NEMP2: variants seen among roughly 807,000 people sequenced by gnomAD.
NEMP2 encodes the protein nuclear envelope integral membrane protein 2, also known as UPF0571 transmembrane protein.
Under a neutral mutation model 54.2 loss-of-function variants are expected in NEMP2, and 53 were observed. The ratio of observed to expected loss-of-function variants is 0.98; its 90% CI spans 0.78 to 1.23. The LOEUF is 1.23. Among genes scored for constraint, NEMP2 ranks in the 50% most tolerant of loss-of-function variants. The pLI is 0.00. For synonymous variants in NEMP2, 197 were observed against 190.3 expected, an observed-to-expected ratio of 1.04 and a Z score of -0.29; for missense variants, 455 against 511.3, an observed-to-expected ratio of 0.89 and a Z score of 1.06.
In NEMP2 at chr2:190,512,477, C is replaced by A. The variant is rs1690402862; in HGVS notation, c.954-1940G>T. On this transcript the variant is annotated intron_variant, in intron 7 of 8. Transcript: ENST00000409150. This position sits in a 1 kb window ranked among gnomAD's most constrained non-coding sequence, Gnocchi z 4.5. ...TTATTTCTCTGGTGTGTTATTTAAC[C>A]TATAAGTTCCTGTTTCATCCCCTAA... 6.6e-6 allele frequency among the ~76,000 whole-genome samples: 1 copy of A among 152,142 alleles called. No individual in the cohort carries two copies. Among genetic ancestry groups the A allele is most frequent in the South Asian group, 2.1e-4 (1 of 4,814 alleles).
At chr2:190,480,642 A>G in the NEMP2 span, among the ~76,000 whole-genome samples, 15 of 152,224 alleles carry the variant, frequency 9.9e-5, no homozygotes, top group African/African-American at 3.4e-4. Flanking sequence ...CGGAAACCAT[A>G]AAGTGCTAAG....
downstream of NEMP2, chr2:190,500,475 G>C (rs529406315): frequency 1.0e-5 from 5 of 490,782 alleles, no homozygotes; most frequent in South Asian, 1.3e-4. The surrounding 1 kb of genome is among the most constrained non-coding windows in gnomAD (Gnocchi z 5.3). Flanking sequence ...TTCTTTGCTT[G>C]GTTAGGTTAA....
the NEMP2 span, among the ~76,000 whole-genome samples, chr2:190,597,002 C>T: frequency 3.9e-5 from 6 of 152,076 alleles, no homozygotes; most frequent in Non-Finnish European, 8.8e-5. The surrounding 1 kb of genome is among the most constrained non-coding windows in gnomAD (Gnocchi z 4.7). Context: ...GTGGCTCACA[C>T]GTGTATCCCA....
At chr2:190,588,940 C>G in the NEMP2 span, among the ~76,000 whole-genome samples, 1 of 152,190 alleles carries the variant, frequency 6.6e-6, no homozygotes, top group Non-Finnish European at 1.5e-5. The surrounding 1 kb of genome is among the most constrained non-coding windows in gnomAD (Gnocchi z 5.0). Flanking sequence ...AAACTGCTCT[C>G]TTTTGATCCC....
chr2:190,579,525 G>T, the NEMP2 span, among the ~76,000 whole-genome samples: 1 of 152,080 alleles, frequency 6.6e-6, no homozygotes, highest in South Asian at 2.1e-4. Context: ...GGACTATAGT[G>T]TGCTTAAGTA....
intron 4 of NEMP2, among the ~76,000 whole-genome samples, chr2:190,517,920 A>T: frequency 6.6e-6 from 1 of 152,226 alleles, no homozygotes; most frequent in East Asian, 1.9e-4. Flanking sequence ...GAGAAAATTA[A>T]GGCACCAAAA....
the NEMP2 span, among the ~76,000 whole-genome samples, chr2:190,427,970 G>A: frequency 6.6e-6 from 1 of 152,292 alleles, no homozygotes; most frequent in African/African-American, 2.4e-5. Flanking sequence ...GACCTCAGGT[G>A]ATCCACTTGC....
Position 190,508,025 on chromosome 2 carries a change from T to C in NEMP2, c.*1164A>G, listed in dbSNP as rs898687569. On this transcript the variant is annotated 3_prime_UTR_variant, in exon 9 of 9. Transcript: ENST00000409150. This position sits in a 1 kb window ranked among gnomAD's most constrained non-coding sequence, Gnocchi z 4.3. ...CTTCTTTCCTCAGGGTCAAAGCTCA[T>C]AGCCCCTCATTTCAATCTGGAGTTT... 1.3e-5 allele frequency: 2 copies of C among 152,180 alleles called. No homozygotes were observed. The highest frequency in any genetic ancestry group is 1.9e-4 in the East Asian group (1 of 5,206). 9.4% of individuals were successfully genotyped at this position (152,180 alleles called of 1,614,324 possible).
chr2:190,454,543 C>A, the NEMP2 span: 1 of 152,214 alleles, frequency 6.6e-6, no homozygotes, highest in African/African-American at 2.4e-5. This position sits in a 1 kb window ranked among gnomAD's most constrained non-coding sequence, Gnocchi z 4.6. Flanking sequence ...ACCCTTCCCT[C>A]TTCCCCTCTG....
chr2:190,524,029 C>G (rs1241684239), intron 2 of NEMP2, among the ~76,000 whole-genome samples: 1 of 151,530 alleles, frequency 6.6e-6, no homozygotes, highest in Non-Finnish European at 1.5e-5. Context: ...ATGGCAAAAC[C>G]CCATCTCTAC....
chr2:190,638,585 C>T, the NEMP2 span, among the ~76,000 whole-genome samples: 1 of 151,944 alleles, frequency 6.6e-6, no homozygotes, highest in Non-Finnish European at 1.5e-5. The surrounding 1 kb of genome is among the most constrained non-coding windows in gnomAD (Gnocchi z 5.7). Flanking sequence ...CTACTGATGC[C>T]GGAAAAGATA....
the NEMP2 span, among the ~76,000 whole-genome samples, chr2:190,562,830 T>C: frequency 1.3e-5 from 2 of 152,316 alleles, no homozygotes; most frequent in African/African-American, 4.8e-5. The surrounding 1 kb of genome is among the most constrained non-coding windows in gnomAD (Gnocchi z 5.0). Context: ...TTATTTTAGA[T>C]GGGAAATTTG....
the NEMP2 span, among the ~76,000 whole-genome samples, chr2:190,594,551 G>T: frequency 6.6e-6 from 1 of 152,052 alleles, no homozygotes; most frequent in Non-Finnish European, 1.5e-5. This position sits in a 1 kb window ranked among gnomAD's most constrained non-coding sequence, Gnocchi z 5.6. Flanking sequence ...CACATGGTAG[G>T]TATTCAAAAA....
the NEMP2 span, among the ~76,000 whole-genome samples, chr2:190,474,001 T>C: frequency 6.6e-6 from 1 of 152,104 alleles, no homozygotes; most frequent in African/African-American, 2.4e-5. Flanking sequence ...GAAATAAAGA[T>C]GCTCTTTGAA....
At chr2:190,498,250 C>T in the NEMP2 span, among the ~76,000 whole-genome samples, 3 of 152,244 alleles carry the variant, frequency 2.0e-5, no homozygotes, top group Admixed American at 1.3e-4. The surrounding 1 kb of genome is among the most constrained non-coding windows in gnomAD (Gnocchi z 5.9). Context: ...AAAGTTAAAG[C>T]ATGTTGATAA....
the NEMP2 span, among the ~76,000 whole-genome samples, chr2:190,434,196 G>GA: frequency 2.3e-5 from 3 of 131,554 alleles, no homozygotes; most frequent in Non-Finnish European, 1.7e-5. The surrounding 1 kb of genome is among the most constrained non-coding windows in gnomAD (Gnocchi z 4.3). Context: ...AAAAAAAAAA[G>GA]AAAAAAAAGA....
the NEMP2 span, among the ~76,000 whole-genome samples, chr2:190,484,307 T>C: frequency 2.6e-5 from 4 of 152,248 alleles, no homozygotes; most frequent in African/African-American, 9.6e-5. Flanking sequence ...GTAATTCTAG[T>C]GTAAACACAT....
At chr2:190,477,361 ACT>A in the NEMP2 span, 1 of 983,496 alleles carries the variant, frequency 1.0e-6, no homozygotes, top group African/African-American at 1.7e-5. Flanking sequence ...CAGTGTGCAG[ACT>A]CTATAAATAA....
At chr2:190,453,454 C>G in the NEMP2 span, among the ~76,000 whole-genome samples, 163 of 152,294 alleles carry the variant, frequency 1.1e-3, 5 homozygotes, top group South Asian at 0.033. Flanking sequence ...GCTCCATCTT[C>G]CTCCTCTCTA....
Sources: gnomAD v4.1 joint callset for allele counts (sites outside exome capture counted in the v4.1 genomes callset) on GRCh38, gnomAD v4.1.1 for gene constraint, Gnocchi (gnomAD v3.1) non-coding constraint, MANE v1.5 for transcripts, NCBI Gene and HGNC (gene_info 2026-07-23, HGNC 2026-07-21) for gene names.